The following CACNA1E variants were observed in gnomAD, a reference collection of about 807,000 sequenced individuals.
The protein encoded by CACNA1E is voltage-dependent R-type calcium channel subunit alpha-1E.
CACNA1E carries 40 observed loss-of-function variants against 259.2 expected under a neutral mutation model. The ratio of observed to expected loss-of-function variants is 0.15; its 90% CI spans 0.12 to 0.20. CACNA1E has a LOEUF of 0.20. Among genes scored for constraint, CACNA1E ranks in the 10% least tolerant of loss-of-function variants. The pLI, the probability that CACNA1E is intolerant of heterozygous loss-of-function variation, is 1.00. For synonymous variants in CACNA1E, 1,104 were observed against 1,138.5 expected (o/e 0.97, Z 0.61); for missense variants, 1,874 against 3,040.1 (o/e 0.62, Z 9.02).
intron 3 of CACNA1E, among the ~76,000 whole-genome samples, chr1:181,568,291 C>G (rs1650052085): frequency 1.3e-5 from 2 of 152,162 alleles, no homozygotes; most frequent in African/African-American, 2.4e-5. Flanking sequence ...AGGCAGCCAG[C>G]ACAGCCGCCC....
At chr1:181,354,374 G>T (rs1024929840) in intron 1 of CACNA1E, among the ~76,000 whole-genome samples, 2 of 152,202 alleles carry the variant, frequency 1.3e-5, no homozygotes, top group Non-Finnish European at 2.9e-5. Context: ...CTGAGGACAA[G>T]GAGTGGCAGG....
At position 181,750,543 on chromosome 1, in the gene CACNA1E, C is replaced by T. The variant is rs704332; in HGVS notation, c.3731+56C>T. 908,020 of 1,559,130 alleles carry T rather than the reference C, an allele frequency of 0.58. 266,475 individuals carry two copies. Among genetic ancestry groups the T allele is most frequent in the East Asian group, 0.76 (33,921 of 44,578 alleles). ...CGATACAAGGAATGAGTTGGAGGAG[C>T]GAGAAAGTATGGTTGGGAGGGGAGG... On this transcript the variant is annotated intron_variant, in intron 26 of 47. Transcript: ENST00000367573.
At chr1:181,506,920 C>T (rs1665760567) in intron 1 of CACNA1E, among the ~76,000 whole-genome samples, 1 of 152,108 alleles carries the variant, frequency 6.6e-6, no homozygotes, top group Non-Finnish European at 1.5e-5. Context: ...TACACAGAAT[C>T]TCCACATTCT....
intron 2 of CACNA1E, among the ~76,000 whole-genome samples, chr1:181,463,976 G>A (rs1475953224): frequency 6.6e-6 from 1 of 151,944 alleles, no homozygotes; most frequent in African/African-American, 2.4e-5. Flanking sequence ...ATTAATTTTT[G>A]TGTATAGTGT....
chr1:181,396,918 G>A (rs1454766908), intron 1 of CACNA1E, among the ~76,000 whole-genome samples: 1 of 152,208 alleles, frequency 6.6e-6, no homozygotes, highest in Non-Finnish European at 1.5e-5. Context: ...AAAGACTGGA[G>A]CTACTTTATT....
At chr1:181,479,381 A>C (rs925486721), upstream of CACNA1E, among the ~76,000 whole-genome samples, 15 of 152,194 alleles carry the variant, frequency 9.9e-5, no homozygotes, top group African/African-American at 3.6e-4. Context: ...TCCCTCTGAG[A>C]CTGGAAAGGG....
intron 2 of CACNA1E, among the ~76,000 whole-genome samples, chr1:181,459,490 G>A (rs1411093362): frequency 6.6e-6 from 1 of 152,264 alleles, no homozygotes; most frequent in Non-Finnish European, 1.5e-5. Flanking sequence ...ACCAGTCATA[G>A]TAATGCCTCA....
intron 6 of CACNA1E, among the ~76,000 whole-genome samples, chr1:181,601,405 C>T (rs537817162): frequency 7.2e-5 from 11 of 152,278 alleles, no homozygotes; most frequent in African/African-American, 2.2e-4. Context: ...GGCTCCTCCC[C>T]GTGATTCTTT....
Position 181,732,286 on chromosome 1 carries a change from CCACCATGTGTCCT to C in CACNA1E, c.2298-97_2298-85del, listed in dbSNP as rs1271351046. Reference sequence around the variant, plus strand: ...AGGTCCTGGGCACTCCCATTTGCCCCCACCATGTGTCCTGCCCTCTCACATGGCCCCTGTGGCC... The same window carrying C: ...AGGTCCTGGGCACTCCCATTTGCCCCGCCCTCTCACATGGCCCCTGTGGCC... On this transcript the variant is annotated intron_variant, in intron 19 of 47. Coordinates refer to ENST00000367573, the MANE Select transcript of CACNA1E (RefSeq NM_001205293.3). The surrounding 1 kb of genome is among the most constrained non-coding windows in gnomAD (Gnocchi z 5.5). The C allele has an allele frequency of 3.3e-5, 47 of 1,420,102 alleles. No homozygotes were observed. The highest frequency in any genetic ancestry group is 4.3e-5 in the Non-Finnish European group (47 of 1,090,522). The allele number at this position is 1,420,102 out of a possible 1,614,324, so 88.0% of individuals were successfully genotyped here.
At chr1:181,771,732 G>A (rs146064979) in intron 36 of CACNA1E, 3 of 461,722 alleles carry the variant, frequency 6.5e-6, no homozygotes, top group Middle Eastern at 5.7e-4. Context: ...GGTTTGGGAG[G>A]GGGGAATGTC....
intron 7 of CACNA1E, among the ~76,000 whole-genome samples, chr1:181,661,819 A>G (rs1242634746): frequency 2.0e-5 from 3 of 152,238 alleles, no homozygotes; most frequent in African/African-American, 7.2e-5. Flanking sequence ...GTAATTTGCC[A>G]AAGTAAACAA....
chr1:181,555,112 G>T (rs1048413970), intron 3 of CACNA1E, among the ~76,000 whole-genome samples: 1 of 152,144 alleles, frequency 6.6e-6, no homozygotes, highest in Non-Finnish European at 1.5e-5. Flanking sequence ...TATTTAAAAT[G>T]GTTAAGTGTT....
chr1:181,800,369 G>A lies in CACNA1E; in HGVS notation c.*1535G>A, dbSNP rs1489663931. ...GAGCTGGGGCTGACAGTCCCACCCT[G>A]TCATTCCTAATAGCCCAAACGCAGA... is the stretch of plus-strand genomic sequence containing the variant. On this transcript the variant is annotated 3_prime_UTR_variant, in exon 48 of 48. Transcript: ENST00000367573. 4.6e-5 allele frequency: 7 copies of A among 152,648 alleles called. No individual in the cohort carries two copies. Among genetic ancestry groups the A allele is most frequent in the African/African-American group, 1.4e-4 (6 of 41,450 alleles). The allele number at this position is 152,648 out of a possible 1,614,324, so 9.5% of individuals were successfully genotyped here.
At chr1:181,636,434 T>C (rs747363852) in intron 6 of CACNA1E, among the ~76,000 whole-genome samples, 12 of 152,216 alleles carry the variant, frequency 7.9e-5, no homozygotes, top group Non-Finnish European at 1.6e-4. Context: ...TGACTCTTAT[T>C]ACCAACATAT....
At chr1:181,381,961 G>A (rs1429280115) in intron 1 of CACNA1E, among the ~76,000 whole-genome samples, 1 of 152,186 alleles carries the variant, frequency 6.6e-6, no homozygotes, top group African/African-American at 2.4e-5. Context: ...ATGCTACCAC[G>A]AAAATGTGCA....
intron 6 of CACNA1E, among the ~76,000 whole-genome samples, chr1:181,638,527 A>AT (rs1435947108): frequency 3.3e-5 from 5 of 152,104 alleles, no homozygotes; most frequent in African/African-American, 7.2e-5. Context: ...CCAGCTTCAC[A>AT]TGCTTATTGT....
chr1:181,643,929 CTTAGTA>C (rs931837597), intron 6 of CACNA1E, among the ~76,000 whole-genome samples: 8 of 152,150 alleles, frequency 5.3e-5, no homozygotes, highest in Admixed American at 4.6e-4. Flanking sequence ...TGTGGGGAGA[CTTAGTA>C]TGTTTATTAA....
At position 181,443,210 on chromosome 1, in the gene CACNA1E, G is replaced by A. The variant is rs117711050; in HGVS notation, c.434+29630G>A. Among the ~76,000 whole-genome samples the A allele has an allele frequency of 5.8e-4, 88 of 152,320 alleles. No homozygotes were observed. The East Asian group carries it at 0.014, about 25-fold the overall frequency. ...TACTTTACAGAACTAATATAAAAAT[G>A]TGTGAAAGCACTATGCAGAATATGA... On this transcript the variant is annotated intron_variant, in intron 2 of 11. Coordinates refer to the CACNA1E transcript ENST00000524607.
chr1:181,644,081 C>A (rs892141303), intron 6 of CACNA1E, among the ~76,000 whole-genome samples: 1 of 152,316 alleles, frequency 6.6e-6, no homozygotes, highest in African/African-American at 2.4e-5. Context: ...TGCTCCCCAA[C>A]CTTTGCCTCT....
Sources: gnomAD v4.1 joint callset for allele counts (sites outside exome capture counted in the v4.1 genomes callset) on GRCh38, gnomAD v4.1.1 for gene constraint, Gnocchi (gnomAD v3.1) non-coding constraint, MANE v1.5 for transcripts, NCBI Gene and HGNC (gene_info 2026-07-23, HGNC 2026-07-21) for gene names.